Variants in ATXN1 observed in about 807,000 individuals in gnomAD.
ATXN1 encodes ataxin-1.
In ATXN1, 8 loss-of-function variants were observed where a neutral mutation model predicts 56.4. The observed-to-expected ratio is 0.14, with a 90% CI of 0.08 to 0.26. The LOEUF (loss-of-function observed/expected upper bound fraction) is 0.26. Ranked by LOEUF, ATXN1 falls within the 10% of genes least tolerant of loss-of-function variation. The pLI is 1.00. For missense variants in ATXN1, 987 were observed against 1,106.5 expected (o/e 0.89, Z 1.53); for synonymous variants, 514 against 494.6 (o/e 1.04, Z -0.52).
chr6:16,590,102 G>A (rs1241943654), intron 3 of ATXN1, among the ~76,000 whole-genome samples: 1 of 152,058 alleles, frequency 6.6e-6, no homozygotes, highest in Non-Finnish European at 1.5e-5. Context: ...AAAAAAATTA[G>A]AGATGCATAT....
intron 3 of ATXN1, among the ~76,000 whole-genome samples, chr6:16,632,206 G>T (rs1763516275): frequency 6.6e-6 from 1 of 152,044 alleles, no homozygotes; most frequent in African/African-American, 2.4e-5. Flanking sequence ...TCAGCCACTG[G>T]CACCATGTTC....
chr6:16,392,123 GC>G (rs968562746), intron 6 of ATXN1, among the ~76,000 whole-genome samples: 1 of 152,348 alleles, frequency 6.6e-6, no homozygotes, highest in African/African-American at 2.4e-5. Flanking sequence ...AGCTTTGCCT[GC>G]CTGGTTGGCA....
chr6:16,581,249 G>A (rs1008182849), intron 4 of ATXN1, among the ~76,000 whole-genome samples: 2 of 151,496 alleles, frequency 1.3e-5, no homozygotes, highest in Admixed American at 1.3e-4. Flanking sequence ...GTGTGTGTGT[G>A]TGCTGGGTGG....
At chr6:16,726,089 G>T (rs1173073488) in intron 2 of ATXN1, among the ~76,000 whole-genome samples, 1 of 152,166 alleles carries the variant, frequency 6.6e-6, no homozygotes, top group Non-Finnish European at 1.5e-5. Flanking sequence ...CTGTAAGAGG[G>T]AGGGGTTCCA....
At chr6:16,724,177 T>C (rs1308557527) in intron 2 of ATXN1, among the ~76,000 whole-genome samples, 1 of 152,162 alleles carries the variant, frequency 6.6e-6, no homozygotes, top group Non-Finnish European at 1.5e-5. Context: ...TCCCTTTAAC[T>C]GGGCAGTGTG....
At chr6:16,421,912 A>T (rs1473210232) in intron 6 of ATXN1, among the ~76,000 whole-genome samples, 3 of 152,232 alleles carry the variant, frequency 2.0e-5, no homozygotes, top group African/African-American at 7.2e-5. Flanking sequence ...TTTAGCCACG[A>T]CTGGCAGCCA....
At chr6:16,450,598 C>T (rs947486176) in intron 6 of ATXN1, among the ~76,000 whole-genome samples, 3 of 152,190 alleles carry the variant, frequency 2.0e-5, no homozygotes, top group East Asian at 1.9e-4. Flanking sequence ...CCCATTCCAT[C>T]GAGCCTCTTT....
chr6:16,511,523 T>C (rs962131182), intron 5 of ATXN1, among the ~76,000 whole-genome samples: 2 of 152,218 alleles, frequency 1.3e-5, no homozygotes, highest in African/African-American at 4.8e-5. Flanking sequence ...GGTGCCCGAT[T>C]TCCATTCTTC....
At chr6:16,489,177 A>C (rs1471891996) in intron 5 of ATXN1, among the ~76,000 whole-genome samples, 4 of 152,326 alleles carry the variant, frequency 2.6e-5, no homozygotes, top group Non-Finnish European at 5.9e-5. Context: ...TGATGAAAGA[A>C]ACCTTGCCAT....
At position 16,327,362 on chromosome 6, in the gene ATXN1, C is replaced by T; in HGVS notation, c.949G>A (p.Ala317Thr). Residue 317 changes from alanine to threonine, a missense_variant, in exon 7 of 8, where the codon GCC (alanine) becomes ACC (threonine). Around this residue, in one of 3 missense-constraint regions of ATXN1, gnomAD observed 723 missense variants for 791.7 expected, o/e 0.91. Transcript: ENST00000436367. ...KKAESSRLQQAIQAKEVLNGE... is the reference protein window; with the variant it reads ...KKAESSRLQQTIQAKEVLNGE... ...TTCAGGACCTCCTTGGCCTGGATGGCCTGCTGCAGCCGGCTGCTCTCAGCT... is the reference window on the plus strand; with the variant it reads ...TTCAGGACCTCCTTGGCCTGGATGGTCTGCTGCAGCCGGCTGCTCTCAGCT... 1.2e-6 allele frequency: 2 copies of T among 1,613,500 alleles called. No individual in the cohort carries two copies. Among genetic ancestry groups the T allele is most frequent in the Non-Finnish European group, 1.7e-6 (2 of 1,179,966 alleles).
At chr6:16,622,566 C>T (rs969472074) in intron 3 of ATXN1, among the ~76,000 whole-genome samples, 2 of 152,162 alleles carry the variant, frequency 1.3e-5, no homozygotes, top group African/African-American at 4.8e-5. Context: ...TTAGTTATAT[C>T]CTTCAATCTA....
At chr6:16,659,172 C>A (rs1740878867) in intron 2 of ATXN1, among the ~76,000 whole-genome samples, 1 of 152,144 alleles carries the variant, frequency 6.6e-6, no homozygotes. Context: ...TTCCATCTAG[C>A]CGGAGGAACA....
At chr6:16,625,913 C>G (rs78487690) in intron 3 of ATXN1, among the ~76,000 whole-genome samples, 3 of 152,072 alleles carry the variant, frequency 2.0e-5, no homozygotes, top group Non-Finnish European at 4.4e-5. Context: ...GGCAATTGAC[C>G]GGCTGACACT....
At chr6:16,724,186 T>C (rs1759801274) in intron 2 of ATXN1, among the ~76,000 whole-genome samples, 1 of 152,120 alleles carries the variant, frequency 6.6e-6, no homozygotes, top group Admixed American at 6.5e-5. Context: ...CTGGGCAGTG[T>C]GTCTAAATAT....
intron 6 of ATXN1, among the ~76,000 whole-genome samples, chr6:16,429,822 C>T (rs900078032): frequency 1.2e-4 from 18 of 152,186 alleles, no homozygotes; most frequent in Admixed American, 9.2e-4. Context: ...TCTTGACAAA[C>T]GGGGGCATGG....
intron 3 of ATXN1, among the ~76,000 whole-genome samples, chr6:16,587,885 C>G (rs1051030971): frequency 6.6e-6 from 1 of 150,642 alleles, no homozygotes; most frequent in East Asian, 1.9e-4. Flanking sequence ...AAGCTGAGAT[C>G]GTGCCATTGC....
intron 2 of ATXN1, among the ~76,000 whole-genome samples, chr6:16,719,534 T>C (rs557312139): frequency 6.6e-6 from 1 of 152,320 alleles, no homozygotes; most frequent in South Asian, 2.1e-4. Flanking sequence ...GTCAGGGCTA[T>C]AGGGCTTAGA....
In ATXN1 at chr6:16,619,770, G is replaced by A. The variant is rs547567985; in HGVS notation, c.-488-33863C>T. On this transcript the variant is annotated intron_variant, in intron 3 of 7. Transcript: ENST00000436367. ...TCAAATCATAGCTCTATAGCCATGC[G>A]TGGCAACATGCACTATAGTCCCAGC... Among the ~76,000 whole-genome samples, 32 of 151,894 alleles carry A rather than the reference G, an allele frequency of 2.1e-4. No individual in the cohort carries two copies. In the East Asian group the frequency reaches 2.9e-3, roughly 14 times the overall value.
At chr6:16,482,691 C>CTATA (rs1256841596) in intron 6 of ATXN1, among the ~76,000 whole-genome samples, 1 of 152,198 alleles carries the variant, frequency 6.6e-6, no homozygotes, top group African/African-American at 2.4e-5. Context: ...ACAGCTAAAG[C>CTATA]TATAGTCTAA....
Sources: gnomAD v4.1 joint callset for allele counts (sites outside exome capture counted in the v4.1 genomes callset) on GRCh38, gnomAD v4.1.1 for gene constraint, gnomAD v4.1.1 regional missense constraint, MANE v1.5 for transcripts, NCBI Gene and HGNC (gene_info 2026-07-23, HGNC 2026-07-21) for gene names.